The following HKDC1 variants were observed in gnomAD, a reference collection of about 807,000 sequenced individuals.
HKDC1 encodes hexokinase domain containing 1.
In HKDC1, 66 loss-of-function variants were observed where a neutral mutation model predicts 96.6. That is an observed-to-expected ratio of 0.68 (90% CI 0.56 to 0.84). The LOEUF (loss-of-function observed/expected upper bound fraction) is 0.84, where lower values mean the gene tolerates loss of function less well. Among genes scored for constraint, HKDC1 ranks in the 40% least tolerant of loss-of-function variants. HKDC1 has a pLI of 0.00. For missense variants in HKDC1, 1,211 were observed against 1,208.1 expected, an observed-to-expected ratio of 1.00 and a Z score of -0.04; for synonymous variants, 466 against 473.1, an observed-to-expected ratio of 0.98 and a Z score of 0.20.
At chr10:69,231,876 C>T (rs1843266765) in intron 2 of HKDC1, among the ~76,000 whole-genome samples, 2 of 152,220 alleles carry the variant, frequency 1.3e-5, no homozygotes, top group African/African-American at 4.8e-5. Flanking sequence ...ATAGGATTAA[C>T]TCCCTGAATT....
At chr10:69,224,100 T>G (rs1843111755) in intron 1 of HKDC1, among the ~76,000 whole-genome samples, 1 of 150,484 alleles carries the variant, frequency 6.6e-6, no homozygotes, top group East Asian at 2.0e-4. Flanking sequence ...CCCAGGTACT[T>G]GGGAGGCTGA....
chr10:69,247,716 G>GGGA, intron 9 of HKDC1, 123 bp downstream of exon 9: 1 of 731,254 alleles, frequency 1.4e-6, no homozygotes, highest in Non-Finnish European at 2.3e-6. Context: ...TTGGTTCTGA[G>GGGA]ATTACAAGGG....
intron 7 of HKDC1, among the ~76,000 whole-genome samples, chr10:69,244,924 T>C (rs1843514811): frequency 6.6e-6 from 1 of 152,114 alleles, no homozygotes; most frequent in African/African-American, 2.4e-5. Flanking sequence ...TTTTTTGAGA[T>C]GGAGTCTCAC....
At chr10:69,249,995 G>C (rs914536521) in intron 10 of HKDC1, among the ~76,000 whole-genome samples, 1 of 152,210 alleles carries the variant, frequency 6.6e-6, no homozygotes, top group African/African-American at 2.4e-5. Flanking sequence ...AGAAGCCCCA[G>C]GTCCCTTGAC....
chr10:69,233,099 T>A lies in HKDC1; in HGVS notation c.461T>A (p.Phe154Tyr). The change falls in exon 4 of 18, where the codon TTT becomes TAT. Residue 154 changes from phenylalanine (F) to tyrosine (Y), a missense_variant. Coordinates refer to ENST00000354624, the MANE Select transcript of HKDC1 (RefSeq NM_025130.4). ...KHKKLPLGLTFSFPCRQTKLE... is the reference protein window; with the variant it reads ...KHKKLPLGLTYSFPCRQTKLE... ...AAGAAATTGCCCCTTGGCCTAACTT[T>A]TTCTTTCCCCTGTCGACAGACTAAA... 1 of 1,614,142 alleles carries A rather than the reference T, an allele frequency of 6.2e-7. No individual in the cohort carries two copies. Among genetic ancestry groups the A allele is most frequent in the Non-Finnish European group, 8.5e-7 (1 of 1,180,032 alleles).
In HKDC1 at chr10:69,251,446, C is replaced by T. The variant is rs139978463; in HGVS notation, c.1836+794C>T. ...AATGTGAGTTCTCTTTCTTCTTATT[C>T]AAGATTGTTTTGGCTATTCGGCACT... is the stretch of plus-strand genomic sequence containing the variant. On this transcript the variant is annotated intron_variant, in intron 12 of 17. Transcript: ENST00000354624. 6.5e-3 allele frequency among the ~76,000 whole-genome samples: 991 copies of T among 152,136 alleles called. 10 individuals are homozygous for T. The highest frequency in any genetic ancestry group is 0.023 in the African/African-American group (940 of 41,520).
chr10:69,241,589 T>G (rs1843457821), intron 6 of HKDC1, among the ~76,000 whole-genome samples: 1 of 152,154 alleles, frequency 6.6e-6, no homozygotes, highest in African/African-American at 2.4e-5. Flanking sequence ...GCTCAAGCAA[T>G]TCTCCTGCCT....
chr10:69,248,566 A>T lies in HKDC1; in HGVS notation c.1408A>T (p.Ile470Phe), dbSNP rs753529321. The T allele has an allele frequency of 3.1e-6, 5 of 1,613,978 alleles. No individual in the cohort carries two copies. In the African/African-American group the frequency reaches 5.3e-5, roughly 17 times the overall value. Reference sequence around the variant, plus strand: ...CCGCGTGCAGGCCCAGCGGAAGCAGATCGACAGGGTGCTGGCTTTGTTCCA... The same window carrying T: ...CCGCGTGCAGGCCCAGCGGAAGCAGTTCGACAGGGTGCTGGCTTTGTTCCA... ...ASRVQAQRKQIDRVLALFQLT... is the reference protein window; with the variant it reads ...ASRVQAQRKQFDRVLALFQLT... Residue 470 changes from isoleucine to phenylalanine, a missense_variant, in exon 10 of 18, where the codon ATC becomes TTC. Physicochemically the swap from Ile to Phe is conservative, Grantham distance 21. Transcript: ENST00000354624.
At chr10:69,244,632 A>G (rs1375275212) in intron 7 of HKDC1, among the ~76,000 whole-genome samples, 2 of 151,084 alleles carry the variant, frequency 1.3e-5, no homozygotes, top group Admixed American at 6.6e-5. Flanking sequence ...CTTGGGCAAC[A>G]TAGTGAGACC....
At chr10:69,260,390 T>C (rs969228547) in intron 15 of HKDC1, among the ~76,000 whole-genome samples, 6 of 152,240 alleles carry the variant, frequency 3.9e-5, no homozygotes, top group African/African-American at 1.4e-4. Flanking sequence ...CTGAGTGTCA[T>C]GGCTCTTCCC....
At chr10:69,222,082 C>A (rs1170031116) in intron 1 of HKDC1, among the ~76,000 whole-genome samples, 1 of 152,180 alleles carries the variant, frequency 6.6e-6, no homozygotes, top group South Asian at 2.1e-4. Flanking sequence ...ATTAGCTGGG[C>A]GTGGTGGAGT....
intron 2 of HKDC1, among the ~76,000 whole-genome samples, chr10:69,228,447 G>A (rs1328228413): frequency 6.6e-6 from 1 of 152,170 alleles, no homozygotes; most frequent in Non-Finnish European, 1.5e-5. Context: ...TAGGATGTGA[G>A]CATCTTTGTT....
chr10:69,241,642 G>T (rs1843458554), intron 6 of HKDC1, among the ~76,000 whole-genome samples: 1 of 151,978 alleles, frequency 6.6e-6, no homozygotes, highest in African/African-American at 2.4e-5. Flanking sequence ...CACCACCACG[G>T]CTGGCCAATT....
chr10:69,240,740 G>A lies in HKDC1; in HGVS notation c.680G>A (p.Gly227Asp), dbSNP rs746967718. The part of the protein sequence containing the change: ...CAYDDPYCEV[G>D]VIIGTGTNAC... ...TATGACGACCCCTACTGCGAAGTTG[G>A]TGTCATCATCGGTAACTCAATTGGA... is the stretch of plus-strand genomic sequence containing the variant. Residue 227 changes from glycine (G) to aspartate (D), a missense_variant, in exon 6 of 18, where the codon GGT (glycine) becomes GAT (aspartate). Coordinates refer to ENST00000354624, the MANE Select transcript of HKDC1 (RefSeq NM_025130.4). 3.1e-6 allele frequency: 5 copies of A among 1,613,846 alleles called. No homozygotes were observed. The highest frequency in any genetic ancestry group is 1.1e-5 in the South Asian group (1 of 91,076).
intron 7 of HKDC1, among the ~76,000 whole-genome samples, chr10:69,245,703 G>A (rs1465390387): frequency 1.3e-5 from 2 of 152,180 alleles, no homozygotes; most frequent in Non-Finnish European, 2.9e-5. Flanking sequence ...AATCCACATT[G>A]TTGTAGAGCC....
At position 69,261,300 on chromosome 10, in the gene HKDC1, C is replaced by T. The variant is rs1843806254; in HGVS notation, c.2372+6C>T. 2.5e-6 allele frequency: 4 copies of T among 1,613,022 alleles called. No individual in the cohort carries two copies. Among genetic ancestry groups the T allele is most frequent in the East Asian group, 2.2e-5 (1 of 44,824 alleles). On this transcript the variant is annotated splice_donor_region_variant and intron_variant, in intron 16 of 17. Transcript: ENST00000354624. ...TTCCTGTCCCAGATCGAAAGGTGAC[C>T]TGTGATCAAGTTCATCATGAGGCTC...
intron 12 of HKDC1, among the ~76,000 whole-genome samples, 195 bp from the exon 13 acceptor site, chr10:69,256,841 G>A (rs1191737273): frequency 2.0e-5 from 3 of 152,208 alleles, no homozygotes; most frequent in Non-Finnish European, 4.4e-5. Context: ...TCCACTCAGT[G>A]ATAGACCTTG....
chr10:69,256,613 C>T (rs1843719434), intron 12 of HKDC1, among the ~76,000 whole-genome samples: 1 of 151,822 alleles, frequency 6.6e-6, no homozygotes, highest in Admixed American at 6.6e-5. Flanking sequence ...GAGGCTGAGG[C>T]AGGAGAATTG....
At chr10:69,257,688 G>GA (rs796151914) in intron 14 of HKDC1, among the ~76,000 whole-genome samples, 1 of 149,536 alleles carries the variant, frequency 6.7e-6, no homozygotes, top group East Asian at 1.9e-4. Context: ...ATTGTCATGG[G>GA]GGGGGGAAGG....
Sources: gnomAD v4.1 joint callset for allele counts (sites outside exome capture counted in the v4.1 genomes callset) on GRCh38, gnomAD v4.1.1 for gene constraint, MANE v1.5 for transcripts, NCBI Gene and HGNC (gene_info 2026-07-23, HGNC 2026-07-21) for gene names.